The following WWC1 variants were observed in gnomAD, a reference collection of about 807,000 sequenced individuals.
WWC1 encodes the protein protein KIBRA.
Under a neutral mutation model 138.4 loss-of-function variants are expected in WWC1, and 55 were observed. The observed-to-expected ratio is 0.40, with a 90% CI of 0.32 to 0.50. WWC1 has a LOEUF of 0.50. Ranked by LOEUF, WWC1 falls within the 20% of genes least tolerant of loss-of-function variation. The probability of loss-of-function intolerance (pLI) is 0.72; values close to 1 mark genes in which losing one functional copy is unlikely to be tolerated. For synonymous variants in WWC1, 524 were observed against 564.9 expected (o/e 0.93, Z 1.03); for missense variants, 1,226 against 1,420.4 (o/e 0.86, Z 2.20).
At chr5:168,448,616 ATTT>A (rs756135846) in intron 17 of WWC1, among the ~76,000 whole-genome samples, 23 of 117,592 alleles carry the variant, frequency 2.0e-4, no homozygotes, top group African/African-American at 5.6e-4. Flanking sequence ...CTCAAATAAG[ATTT>A]TTTTTTTTTT....
chr5:168,380,923 T>C (rs530778130), intron 2 of WWC1, among the ~76,000 whole-genome samples: 2 of 152,150 alleles, frequency 1.3e-5, no homozygotes, highest in African/African-American at 2.4e-5. Flanking sequence ...TCCATGCATG[T>C]GAAGTTCTAA....
intron 5 of WWC1, among the ~76,000 whole-genome samples, chr5:168,403,074 C>CTTTCTT (rs1779492635): frequency 8.8e-6 from 1 of 113,432 alleles, no homozygotes; most frequent in Non-Finnish European, 1.9e-5. Flanking sequence ...TTCTTTCTTT[C>CTTTCTT]TTTCTTTTCT....
Position 168,423,926 on chromosome 5 carries a change from G to T in WWC1, c.1668G>T (p.Leu556=), listed in dbSNP as rs1781318659. The T allele has an allele frequency of 1.2e-6, 2 of 1,614,018 alleles. No homozygotes were observed. Among genetic ancestry groups the T allele is most frequent in the Non-Finnish European group, 1.7e-6 (2 of 1,180,002 alleles). ...PCSPLMADPL[L]AGDAFLNSLE... is the part of the protein sequence containing the mutation. ...CCCCTCTCATGGCTGACCCCCTCCT[G>T]GCTGGTGATGCCTTCCTCAACTCCT... The change falls in exon 11 of 23, where the codon CTG becomes CTT. Residue 556 remains leucine, a synonymous_variant. Coordinates refer to ENST00000265293, the MANE Select transcript of WWC1 (RefSeq NM_015238.3).
intron 1 of WWC1, among the ~76,000 whole-genome samples, chr5:168,315,427 C>A (rs761979417): frequency 2.6e-5 from 4 of 151,998 alleles, no homozygotes; most frequent in Non-Finnish European, 5.9e-5. Flanking sequence ...TCCTTTGTGT[C>A]AACACCGTGT....
chr5:168,368,844 G>C (rs571836256), intron 1 of WWC1, among the ~76,000 whole-genome samples: 1 of 152,216 alleles, frequency 6.6e-6, no homozygotes, highest in Admixed American at 6.5e-5. Context: ...AGGGCATGGA[G>C]GGTGGTGGCG....
At chr5:168,455,973 T>A (rs903706685) in intron 19 of WWC1, among the ~76,000 whole-genome samples, 14 of 152,228 alleles carry the variant, frequency 9.2e-5, no homozygotes, top group African/African-American at 3.1e-4. Flanking sequence ...TTGTATTATT[T>A]TTTAATTGAA....
intron 15 of WWC1, among the ~76,000 whole-genome samples, chr5:168,436,218 C>G (rs1488458247): frequency 1.3e-5 from 2 of 152,186 alleles, no homozygotes; most frequent in Non-Finnish European, 2.9e-5. Context: ...CAGAGGCCAG[C>G]TCTCCATCTT....
Position 168,359,833 on chromosome 5 carries a change from G to A in WWC1, c.120-11591G>A, listed in dbSNP as rs141256609. ...GTAGCTTTTTAGCTGAGTTATTAAT[G>A]TCTGTGCTTTTAATATTGTCCTTTG... is the stretch of plus-strand genomic sequence containing the variant. On this transcript the variant is annotated intron_variant, in intron 1 of 22. Coordinates refer to ENST00000265293, the MANE Select transcript of WWC1 (RefSeq NM_015238.3). Among the ~76,000 whole-genome samples the A allele has an allele frequency of 2.6e-3, 395 of 152,238 alleles. 5 individuals are homozygous for A. Among genetic ancestry groups the A allele is most frequent in the African/African-American group, 9.1e-3 (377 of 41,542 alleles).
At chr5:168,378,828 A>T (rs1333132902) in intron 2 of WWC1, among the ~76,000 whole-genome samples, 1 of 152,238 alleles carries the variant, frequency 6.6e-6, no homozygotes, top group Non-Finnish European at 1.5e-5. Context: ...TTGCATAGTA[A>T]CAAGGTTGAA....
Position 168,302,195 on chromosome 5 carries a change from T to G in WWC1, c.119+9924T>G, listed in dbSNP as rs183260236. On this transcript the variant is annotated intron_variant, in intron 1 of 22. Coordinates refer to ENST00000265293, the MANE Select transcript of WWC1 (RefSeq NM_015238.3). ...CCTCACTCAGTCTTCCCTTTTGCGCTGTTTGAGAGCTGTTTGAGGACCTGC... is the reference window on the plus strand; with the variant it reads ...CCTCACTCAGTCTTCCCTTTTGCGCGGTTTGAGAGCTGTTTGAGGACCTGC... 3.9e-5 allele frequency among the ~76,000 whole-genome samples: 6 copies of G among 152,306 alleles called. No individual in the cohort carries two copies. In the East Asian group the frequency reaches 1.2e-3, roughly 29 times the overall value.
At chr5:168,355,795 G>T (rs1051753101) in intron 1 of WWC1, among the ~76,000 whole-genome samples, 3 of 152,070 alleles carry the variant, frequency 2.0e-5, no homozygotes, top group Non-Finnish European at 2.9e-5. Flanking sequence ...ATGGGGGTGG[G>T]TAAGGGAGTG....
At chr5:168,384,713 CTTTTTT>C (rs762052940) in intron 2 of WWC1, among the ~76,000 whole-genome samples, 1 of 99,638 alleles carries the variant, frequency 1.0e-5, no homozygotes, top group Non-Finnish European at 2.0e-5. Context: ...CTGGTTTATT[CTTTTTT>C]TTTTTTTTTT....
chr5:168,429,874 A>G (rs1781807819), intron 13 of WWC1, among the ~76,000 whole-genome samples: 1 of 152,156 alleles, frequency 6.6e-6, no homozygotes, highest in African/African-American at 2.4e-5. Context: ...GGTCGAGGCT[A>G]CCATGAGCCC....
chr5:168,294,745 C>T (rs1327194150), intron 1 of WWC1, among the ~76,000 whole-genome samples: 1 of 152,142 alleles, frequency 6.6e-6, no homozygotes, highest in Non-Finnish European at 1.5e-5. Flanking sequence ...CCTGCCTCAA[C>T]CTCCCGAGTA....
intron 3 of WWC1, among the ~76,000 whole-genome samples, chr5:168,391,670 AAC>A (rs1230403532): frequency 1.3e-5 from 2 of 148,712 alleles, no homozygotes; most frequent in African/African-American, 2.5e-5. Flanking sequence ...AAAAAAAAAA[AAC>A]AAAAAAACTA....
chr5:168,357,759 C>T (rs1441262055), intron 1 of WWC1, among the ~76,000 whole-genome samples: 2 of 152,124 alleles, frequency 1.3e-5, no homozygotes, highest in East Asian at 3.9e-4. Context: ...TGTTGACTTG[C>T]AGGTAGGGCT....
rs192031928 is a variant in WWC1 at position 168,307,750 on chromosome 5, G to A, written c.119+15479G>A. The stretch of plus-strand genomic sequence containing the variant: ...CTCCCTAGTAGCTGGGACTACAGGT[G>A]CCTGCCACCACACCCAGCTAATTTT... On this transcript the variant is annotated intron_variant, in intron 1 of 22. Transcript: ENST00000265293. 3.5e-3 allele frequency among the ~76,000 whole-genome samples: 531 copies of A among 151,862 alleles called. 3 individuals are homozygous for A. The highest frequency in any genetic ancestry group is 0.012 in the African/African-American group (498 of 41,400).
At chr5:168,466,136 C>A (rs72830948) in intron 21 of WWC1, among the ~76,000 whole-genome samples, 16,541 of 151,944 alleles carry the variant, frequency 0.11, 1,223 homozygotes, top group Non-Finnish European at 0.16. Flanking sequence ...ACAGGGTATG[C>A]AAAACAGGAA....
intron 17 of WWC1, among the ~76,000 whole-genome samples, chr5:168,451,465 G>T (rs939491882): frequency 3.3e-5 from 5 of 152,160 alleles, no homozygotes; most frequent in South Asian, 4.1e-4. Flanking sequence ...CACACTTTGG[G>T]AAGCTGAGGC....
Sources: gnomAD v4.1 joint callset for allele counts (sites outside exome capture counted in the v4.1 genomes callset) on GRCh38, gnomAD v4.1.1 for gene constraint, MANE v1.5 for transcripts, NCBI Gene and HGNC (gene_info 2026-07-23, HGNC 2026-07-21) for gene names.